EPHA6: variants seen among roughly 807,000 people sequenced by gnomAD.
EPHA6 encodes EPH receptor A6.
In EPHA6, 50 loss-of-function variants were observed where a neutral mutation model predicts 112.0. The ratio of observed to expected loss-of-function variants is 0.45; its 90% CI spans 0.36 to 0.56. The LOEUF (loss-of-function observed/expected upper bound fraction) is 0.56, where lower values mean the gene tolerates loss of function less well. EPHA6 is among the 20% of genes least tolerant of loss of function. EPHA6 has a pLI of 0.00. For synonymous variants in EPHA6, 529 were observed against 490.7 expected (o/e 1.08, Z -1.03); for missense variants, 1,280 against 1,417.4 (o/e 0.90, Z 1.56).
At chr3:97,118,507 G>T (rs1309791457) in intron 3 of EPHA6, among the ~76,000 whole-genome samples, 1 of 151,722 alleles carries the variant, frequency 6.6e-6, no homozygotes, top group African/African-American at 2.4e-5. Flanking sequence ...TCAATATAAA[G>T]ATCTTACCTA....
At chr3:96,917,511 A>G (rs1576027117) in intron 2 of EPHA6, among the ~76,000 whole-genome samples, 1 of 151,442 alleles carries the variant, frequency 6.6e-6, no homozygotes, top group Admixed American at 6.6e-5. Context: ...AATGCTGTGG[A>G]AAAAAAATAA....
intron 3 of EPHA6, among the ~76,000 whole-genome samples, chr3:97,175,170 A>G (rs181786226): frequency 2.6e-5 from 4 of 151,918 alleles, no homozygotes; most frequent in African/African-American, 9.6e-5. Context: ...TCCCCAGTGT[A>G]TGTTCTTAGC....
At chr3:96,946,944 CA>C (rs1301255733) in intron 2 of EPHA6, among the ~76,000 whole-genome samples, 3 of 152,006 alleles carry the variant, frequency 2.0e-5, no homozygotes, top group Non-Finnish European at 4.4e-5. Context: ...AGCATTTTTT[CA>C]TGTGTCTGTT....
At chr3:97,072,698 T>A (rs1355520265) in intron 3 of EPHA6, among the ~76,000 whole-genome samples, 3 of 152,120 alleles carry the variant, frequency 2.0e-5, no homozygotes, top group Non-Finnish European at 4.4e-5. Context: ...TGGCTTCAAA[T>A]AGAAAAAGAT....
rs80278240 is a variant in EPHA6, at chr3:97,622,477, T to G, written c.2574+11623T>G. ...ATTCCCTTGTATGTATATGCCACAT[T>G]TTGCTTATCCATTCATCTCCTGGTG... On this transcript the variant is annotated intron_variant, in intron 13 of 17. Transcript: ENST00000389672. Among the ~76,000 whole-genome samples the G allele has an allele frequency of 2.2e-3, 341 of 151,952 alleles. 1 individual carries two copies. The highest frequency in any genetic ancestry group is 7.9e-3 in the African/African-American group (329 of 41,558).
intron 16 of EPHA6, among the ~76,000 whole-genome samples, chr3:97,736,468 AGAGTGTGTGT>A (rs1264431701): frequency 2.0e-4 from 22 of 109,536 alleles, no homozygotes; most frequent in Admixed American, 6.4e-4. Context: ...AGAGAGAGAG[AGAGTGTGTGT>A]GTGTGTGTGT....
chr3:97,711,446 C>G (rs1312170954), intron 14 of EPHA6, among the ~76,000 whole-genome samples: 1 of 151,708 alleles, frequency 6.6e-6, no homozygotes, highest in Non-Finnish European at 1.5e-5. Context: ...AATTCATTCC[C>G]GTGATTATGG....
intron 1 of EPHA6, among the ~76,000 whole-genome samples, chr3:96,855,267 G>A (rs1218174238): frequency 1.3e-5 from 2 of 151,728 alleles, no homozygotes; most frequent in Non-Finnish European, 2.9e-5. Context: ...GATTAGCAAC[G>A]TTAATTCCAT....
At chr3:97,016,148 G>A (rs191906510) in intron 3 of EPHA6, among the ~76,000 whole-genome samples, 99 of 152,002 alleles carry the variant, frequency 6.5e-4, no homozygotes, top group African/African-American at 2.3e-3. Context: ...GCAGCTTGCT[G>A]TAGGTATGGG....
At chr3:97,584,156 A>G (rs1343543273) in intron 11 of EPHA6, among the ~76,000 whole-genome samples, 4 of 152,210 alleles carry the variant, frequency 2.6e-5, no homozygotes, top group Non-Finnish European at 5.9e-5. Context: ...GTTATTTTAC[A>G]AAGTCAAACT....
chr3:97,722,131 C>A (rs972539465), intron 15 of EPHA6, among the ~76,000 whole-genome samples: 1 of 152,142 alleles, frequency 6.6e-6, no homozygotes, highest in African/African-American at 2.4e-5. Context: ...CTATTTGGTT[C>A]TTGTCTTAAC....
At chr3:97,574,547 T>C (rs1370480002) in intron 11 of EPHA6, among the ~76,000 whole-genome samples, 4 of 152,106 alleles carry the variant, frequency 2.6e-5, no homozygotes, top group Non-Finnish European at 5.9e-5. Flanking sequence ...TGAAGCCAGT[T>C]TTCAGAGATG....
chr3:96,970,410 T>A (rs537556329), intron 2 of EPHA6, among the ~76,000 whole-genome samples: 22 of 152,134 alleles, frequency 1.4e-4, no homozygotes, highest in African/African-American at 5.3e-4. Flanking sequence ...AGCTAAGTCA[T>A]ATGTTATGTT....
intron 3 of EPHA6, among the ~76,000 whole-genome samples, chr3:97,000,748 G>A (rs1242461501): frequency 1.3e-5 from 2 of 151,340 alleles, no homozygotes; most frequent in Non-Finnish European, 3.0e-5. Context: ...AAGTAATTAC[G>A]GTAATCAGGA....
rs768296795 is a variant in EPHA6, at chr3:96,814,806, G to GGAA, written c.189_191dup (p.Glu63dup). On this transcript the variant is annotated inframe_insertion, in exon 1 of 18. Transcript: ENST00000389672. The stretch of plus-strand genomic sequence containing the variant: ...GGGTGGAGGAGGAAGAGGAGGAGGA[G>GGAA]GAAGAAGACGTGGACAAGGACCCCC... 6.3e-7 allele frequency: 1 copy of GGAA among 1,599,942 alleles called. No homozygotes were observed. Among genetic ancestry groups the GGAA allele is most frequent in the South Asian group, 1.1e-5 (1 of 89,700 alleles).
intron 2 of EPHA6, among the ~76,000 whole-genome samples, chr3:96,898,113 C>T (rs2038382670): frequency 6.6e-6 from 1 of 152,078 alleles, no homozygotes; most frequent in South Asian, 2.1e-4. Context: ...GCAAATATTA[C>T]TGAACATGGA....
chr3:97,665,848 G>C (rs2030019178), intron 14 of EPHA6, among the ~76,000 whole-genome samples: 1 of 152,146 alleles, frequency 6.6e-6, no homozygotes, highest in Admixed American at 6.5e-5. Context: ...ACGAGATCAG[G>C]GGTTCGACAC....
Position 96,890,592 on chromosome 3 carries a change from C to A in EPHA6, c.450+23703C>A, listed in dbSNP as rs181897404. 2.2e-4 allele frequency among the ~76,000 whole-genome samples: 34 copies of A among 152,066 alleles called. 1 individual carries two copies. Among genetic ancestry groups the A allele is most frequent in the Admixed American group, 2.2e-3 (34 of 15,284 alleles). ...CTTTTTTTGGTTCCAAAATTGTTAT[C>A]ATGAATATATTGGAATAATATTTAG... On this transcript the variant is annotated intron_variant, in intron 2 of 17. Coordinates refer to ENST00000389672, the MANE Select transcript of EPHA6 (RefSeq NM_001080448.3).
chr3:97,489,456 C>G (rs911146396), intron 10 of EPHA6, among the ~76,000 whole-genome samples: 1 of 152,104 alleles, frequency 6.6e-6, no homozygotes, highest in African/African-American at 2.4e-5. Flanking sequence ...GAGGCCCAGG[C>G]GGGTGGATCA....
Sources: gnomAD v4.1 joint callset for allele counts (sites outside exome capture counted in the v4.1 genomes callset) on GRCh38, gnomAD v4.1.1 for gene constraint, MANE v1.5 for transcripts, NCBI Gene and HGNC (gene_info 2026-07-23, HGNC 2026-07-21) for gene names.